Variants in OTUD7B observed in about 807,000 individuals in gnomAD.
OTUD7B encodes the protein OTU deubiquitinase 7B.
OTUD7B carries 34 observed loss-of-function variants against 82.2 expected under a neutral mutation model. The ratio of observed to expected loss-of-function variants is 0.41; its 90% CI spans 0.31 to 0.55. The LOEUF is 0.55. Ranked by LOEUF, OTUD7B falls within the 20% of genes least tolerant of loss-of-function variation. OTUD7B has a pLI of 0.20. For synonymous variants in OTUD7B, 398 were observed against 402.7 expected, an observed-to-expected ratio of 0.99 and a Z score of 0.14; for missense variants, 944 against 1,062.1, an observed-to-expected ratio of 0.89 and a Z score of 1.55.
the OTUD7B span, among the ~76,000 whole-genome samples, chr1:150,062,708 C>CTTTTTTTTTTTTTTTTTTTTTTTTTT: frequency 1.0e-5 from 1 of 96,054 alleles, no homozygotes; most frequent in Non-Finnish European, 1.9e-5. Context: ...CTTCTTCTTT[C>CTTTTTTTTTTTTTTTTTTTTTTTTTT]TTTTTTTTTT....
At chr1:149,972,135 G>T (rs940362372) in intron 2 of OTUD7B, among the ~76,000 whole-genome samples, 3 of 152,100 alleles carry the variant, frequency 2.0e-5, no homozygotes, top group Non-Finnish European at 4.4e-5. Flanking sequence ...TACTTTTCTG[G>T]CCTCTTCTCT....
chr1:149,973,096 G>A (rs1394719023), intron 2 of OTUD7B, among the ~76,000 whole-genome samples: 1 of 151,998 alleles, frequency 6.6e-6, no homozygotes, highest in Non-Finnish European at 1.5e-5. Flanking sequence ...CATTTTTATT[G>A]CCACTGCCCC....
At chr1:150,014,082 G>GTA (rs1447171880), upstream of OTUD7B, among the ~76,000 whole-genome samples, 3 of 32,984 alleles carry the variant, frequency 9.1e-5, no homozygotes, top group South Asian at 1.4e-3. Context: ...GTGTGTGTGT[G>GTA]TGTATATATA....
the OTUD7B span, among the ~76,000 whole-genome samples, chr1:150,049,629 CTTTCTT>C: frequency 2.1e-4 from 9 of 43,470 alleles, no homozygotes; most frequent in African/African-American, 7.4e-4. Flanking sequence ...CTCTCTCTCT[CTTTCTT>C]TTTTTTTTTT....
intron 1 of OTUD7B, among the ~76,000 whole-genome samples, chr1:150,008,244 T>C: frequency 6.6e-6 from 1 of 152,218 alleles, no homozygotes; most frequent in Non-Finnish European, 1.5e-5. Context: ...TAGATGCAGA[T>C]ATAAATAGAA....
chr1:150,025,770 T>C, the OTUD7B span, among the ~76,000 whole-genome samples: 12 of 152,166 alleles, frequency 7.9e-5, no homozygotes, highest in African/African-American at 2.9e-4. Flanking sequence ...ATATAGGGGA[T>C]AGTGAAATAT....
chr1:150,009,738 C>G (rs1553786912), intron 1 of OTUD7B, among the ~76,000 whole-genome samples: 1 of 152,120 alleles, frequency 6.6e-6, no homozygotes, highest in Non-Finnish European at 1.5e-5. Context: ...GCTAAAAATA[C>G]GCCGGCCCAG....
intron 2 of OTUD7B, among the ~76,000 whole-genome samples, chr1:149,975,065 C>T (rs1252608524): frequency 6.6e-6 from 1 of 152,104 alleles, no homozygotes; most frequent in Admixed American, 6.5e-5. Context: ...TTCTTACTAC[C>T]TCATTATTAA....
chr1:149,993,241 C>A (rs192165255), intron 1 of OTUD7B, among the ~76,000 whole-genome samples: 2 of 152,364 alleles, frequency 1.3e-5, no homozygotes, highest in African/African-American at 4.8e-5. Context: ...AATATTTCCT[C>A]TTCCCCTGAG....
At chr1:150,039,040 A>G in the OTUD7B span, among the ~76,000 whole-genome samples, 1 of 152,108 alleles carries the variant, frequency 6.6e-6, no homozygotes, top group Admixed American at 6.6e-5. Flanking sequence ...ATCTATTTTG[A>G]TACATTCTAC....
chr1:150,063,282 C>A, the OTUD7B span, among the ~76,000 whole-genome samples: 2,867 of 151,830 alleles, frequency 0.019, 111 homozygotes, highest in African/African-American at 0.066. Context: ...TGAAACCCTG[C>A]CTGTACTAAA....
At chr1:149,985,743 T>A (rs115591419) in intron 1 of OTUD7B, among the ~76,000 whole-genome samples, 2,043 of 10,980 alleles carry the variant, frequency 0.19, 57 homozygotes, top group African/African-American at 0.39. Context: ...TGAGACCCTG[T>A]ATGAAAAAAA....
intron 3 of OTUD7B, 58 bp from the exon 4 acceptor site, chr1:149,967,579 A>G: frequency 7.6e-7 from 1 of 1,308,060 alleles, no homozygotes; most frequent in East Asian, 2.4e-5. Flanking sequence ...AGAACTCTAC[A>G]CTGATGTGGT....
At position 149,941,179 on chromosome 1, in the gene OTUD7B, G is replaced by A. The variant is rs587686799; in HGVS notation, c.*2678C>T. ...ATAAATAAAAACAAACATGATACAA[G>A]GTTTTTTGTTCATTTGTCCTTAGTT... On this transcript the variant is annotated 3_prime_UTR_variant, in exon 12 of 12. Coordinates refer to ENST00000581312, the MANE Select transcript of OTUD7B (RefSeq NM_020205.4). The A allele has an allele frequency of 6.6e-6, 1 of 152,160 alleles. No homozygotes were observed. The highest frequency in any genetic ancestry group is 6.5e-5 in the Admixed American group (1 of 15,282). 9.4% of individuals were successfully genotyped at this position (152,160 alleles called of 1,614,324 possible).
chr1:149,958,012 G>A (rs1352771445), intron 7 of OTUD7B, among the ~76,000 whole-genome samples: 11 of 152,248 alleles, frequency 7.2e-5, no homozygotes, highest in South Asian at 2.1e-4. Flanking sequence ...GCCCTGCTTC[G>A]GCTCACGCTC....
At chr1:150,019,228 A>T in the OTUD7B span, among the ~76,000 whole-genome samples, 1 of 152,170 alleles carries the variant, frequency 6.6e-6, no homozygotes, top group East Asian at 1.9e-4. Context: ...GACGTAAACT[A>T]TTGTAAAGTA....
chr1:150,027,805 A>C, the OTUD7B span, among the ~76,000 whole-genome samples: 1 of 151,966 alleles, frequency 6.6e-6, no homozygotes, highest in African/African-American at 2.4e-5. Context: ...TGAAATAATT[A>C]TATTCTATTC....
At chr1:150,028,759 C>A in the OTUD7B span, among the ~76,000 whole-genome samples, 2 of 152,202 alleles carry the variant, frequency 1.3e-5, no homozygotes, top group Non-Finnish European at 2.9e-5. Flanking sequence ...CAACCTCCGC[C>A]TCCCAGGTTC....
chr1:150,028,240 G>A, the OTUD7B span, among the ~76,000 whole-genome samples: 2 of 152,186 alleles, frequency 1.3e-5, no homozygotes, highest in African/African-American at 4.8e-5. Context: ...GCATTAACAA[G>A]TTCTGTAGAG....
Sources: gnomAD v4.1 joint callset for allele counts (sites outside exome capture counted in the v4.1 genomes callset) on GRCh38, gnomAD v4.1.1 for gene constraint, MANE v1.5 for transcripts, NCBI Gene and HGNC (gene_info 2026-07-23, HGNC 2026-07-21) for gene names.